Variants in URI1 observed in about 807,000 individuals in gnomAD.
URI1 encodes URI1 prefoldin like chaperone.
URI1 carries 39 observed loss-of-function variants against 60.2 expected under a neutral mutation model. The observed-to-expected ratio is 0.65, with a 90% confidence interval of 0.50 to 0.85. URI1 has a LOEUF of 0.85. Among genes scored for constraint, URI1 ranks in the 40% least tolerant of loss-of-function variants. URI1 has a pLI of 0.00. For synonymous variants in URI1, 251 were observed against 236.8 expected (o/e 1.06, Z -0.55); for missense variants, 691 against 665.9 (o/e 1.04, Z -0.42).
At chr19:29,982,933 A>G (rs892152442) in intron 2 of URI1, among the ~76,000 whole-genome samples, 12 of 152,164 alleles carry the variant, frequency 7.9e-5, no homozygotes, top group Admixed American at 5.9e-4. Context: ...TTGCCATTGA[A>G]GTTACTAAGA....
At chr19:29,929,618 A>T (rs971395040) in intron 1 of URI1, among the ~76,000 whole-genome samples, 6 of 152,030 alleles carry the variant, frequency 3.9e-5, no homozygotes, top group Admixed American at 2.6e-4. Flanking sequence ...GAAATAAAAT[A>T]AAAAAATAAA....
At position 29,942,331 on chromosome 19, in the gene URI1, C is replaced by T. The variant is rs1169398912; in HGVS notation, c.-217C>T. ...GGCAGGCGGCCTGCTACTCGGAGCCCGCTGCGGGGCGGCGGCGGCGGGGAC... is the reference window on the plus strand; with the variant it reads ...GGCAGGCGGCCTGCTACTCGGAGCCTGCTGCGGGGCGGCGGCGGCGGGGAC... On this transcript the variant is annotated 5_prime_UTR_variant, in exon 1 of 11. Coordinates refer to ENST00000392271, the MANE Select transcript of URI1 (RefSeq NM_003796.3). 2 of 984,976 alleles carry T rather than the reference C, an allele frequency of 2.0e-6. No individual in the cohort carries two copies. Among genetic ancestry groups the T allele is most frequent in the African/African-American group, 1.8e-5 (1 of 57,076 alleles). 61.0% of individuals were successfully genotyped at this position (984,976 alleles called of 1,614,324 possible).
intron 1 of URI1, among the ~76,000 whole-genome samples, chr19:29,951,225 T>G (rs1291306813): frequency 6.6e-6 from 1 of 152,194 alleles, no homozygotes. Context: ...AGATGTCAAG[T>G]CTCTCCATCA....
chr19:30,016,454 C>T lies in URI1; in HGVS notation c.*1385C>T, dbSNP rs1367230520. On this transcript the variant is annotated 3_prime_UTR_variant, in exon 11 of 11. Coordinates refer to ENST00000392271, the MANE Select transcript of URI1 (RefSeq NM_003796.3). ...CACCAAAACCAAAGCAGAAATTACA[C>T]ACACAAAGATGCTCCCGTTAGGAAT... 1 of 151,742 alleles carries T rather than the reference C, an allele frequency of 6.6e-6. No individual in the cohort carries two copies. Among genetic ancestry groups the T allele is most frequent in the Non-Finnish European group, 1.5e-5 (1 of 67,732 alleles). 9.4% of individuals were successfully genotyped at this position (151,742 alleles called of 1,614,324 possible).
chr19:29,934,072 A>T (rs1434653957), intron 1 of URI1, among the ~76,000 whole-genome samples: 1 of 150,610 alleles, frequency 6.6e-6, no homozygotes, highest in Non-Finnish European at 1.5e-5. Context: ...AGTAGCTGGG[A>T]TTACAGGTGC....
intron 1 of URI1, among the ~76,000 whole-genome samples, chr19:29,948,790 TCC>T (rs2055133725): frequency 1.3e-5 from 2 of 152,022 alleles, no homozygotes; most frequent in African/African-American, 2.4e-5. Context: ...TCCCCACATT[TCC>T]CCCTTTTCTA....
intron 1 of URI1, among the ~76,000 whole-genome samples, chr19:29,965,510 A>G (rs2055381584): frequency 6.6e-6 from 1 of 152,202 alleles, no homozygotes; most frequent in South Asian, 2.1e-4. Flanking sequence ...ATTGTTGACA[A>G]AACTGGAACT....
upstream of URI1, among the ~76,000 whole-genome samples, chr19:29,938,432 C>T (rs574930518): frequency 1.9e-4 from 29 of 152,216 alleles, no homozygotes; most frequent in East Asian, 7.7e-4. Context: ...ATGAGGGATC[C>T]GCCCCCAAGA....
intron 4 of URI1, among the ~76,000 whole-genome samples, chr19:29,991,107 A>G (rs1403117228): frequency 6.6e-6 from 1 of 152,096 alleles, no homozygotes; most frequent in East Asian, 1.9e-4. Context: ...GCCTTTCCAT[A>G]TACATTTTAG....
intron 1 of URI1, among the ~76,000 whole-genome samples, chr19:29,960,085 A>G (rs1449362765): frequency 6.6e-6 from 1 of 152,182 alleles, no homozygotes; most frequent in Non-Finnish European, 1.5e-5. Flanking sequence ...TGACCCATAA[A>G]TTGGAAATAC....
upstream of URI1, among the ~76,000 whole-genome samples, chr19:29,940,337 A>C (rs889096233): frequency 3.9e-5 from 6 of 152,040 alleles, no homozygotes; most frequent in Non-Finnish European, 7.4e-5. Flanking sequence ...TTATGGGAGC[A>C]CTTTTGAAGA....
chr19:29,986,485 G>A (rs2055672705), intron 4 of URI1, 68 bp downstream of exon 4: 1 of 1,543,368 alleles, frequency 6.5e-7, no homozygotes, highest in Non-Finnish European at 8.7e-7. Flanking sequence ...CCAAGCTGAA[G>A]GGCTGTTTCT....
At chr19:29,951,774 C>T (rs1472669863) in intron 1 of URI1, among the ~76,000 whole-genome samples, 1 of 152,166 alleles carries the variant, frequency 6.6e-6, no homozygotes, top group Non-Finnish European at 1.5e-5. Flanking sequence ...TCTCGATCTC[C>T]TGACCTCAGG....
chr19:29,967,587 A>G (rs1449868084), intron 1 of URI1, among the ~76,000 whole-genome samples: 5 of 152,354 alleles, frequency 3.3e-5, no homozygotes, highest in Non-Finnish European at 5.9e-5. Context: ...ATGATTGGCA[A>G]GGTCTTATTT....
At position 29,986,356 on chromosome 19, in the gene URI1, CA is replaced by C. The variant is rs778948731; in HGVS notation, c.308del (p.Asn103ThrfsTer12). The C allele has an allele frequency of 6.2e-7, 1 of 1,610,174 alleles. No individual in the cohort carries two copies. The highest frequency in any genetic ancestry group is 1.7e-5 in the Admixed American group (1 of 58,418). ...TNEVTVLLGD[N>X]WFAKCSAKQA... ...ATGAAGTCACTGTTTTACTGGGGGA[CA>C]ACTGGTTTGCAAAGTGCTCAGCAAA... On this transcript the variant is annotated frameshift_variant, in exon 4 of 11. Coordinates refer to ENST00000392271, the MANE Select transcript of URI1 (RefSeq NM_003796.3). LOFTEE classifies it high-confidence loss of function.
At chr19:29,960,690 T>A (rs948913131) in intron 1 of URI1, among the ~76,000 whole-genome samples, 3 of 152,214 alleles carry the variant, frequency 2.0e-5, no homozygotes, top group African/African-American at 7.2e-5. Context: ...TTGTTGTGGT[T>A]TTAATATTCA....
At chr19:29,977,852 T>G (rs538799267) in intron 2 of URI1, among the ~76,000 whole-genome samples, 3 of 152,160 alleles carry the variant, frequency 2.0e-5, no homozygotes, top group African/African-American at 7.2e-5. Context: ...GAATTTTTTT[T>G]AAATCTGAGT....
intron 4 of URI1, among the ~76,000 whole-genome samples, chr19:29,989,321 C>A (rs2055713794): frequency 6.6e-6 from 1 of 151,756 alleles, no homozygotes; most frequent in Non-Finnish European, 1.5e-5. Flanking sequence ...CCATGTTGGT[C>A]AGGCTGGTCT....
intron 1 of URI1, among the ~76,000 whole-genome samples, chr19:29,955,139 AT>A (rs78906915): frequency 1.4e-5 from 2 of 139,250 alleles, no homozygotes; most frequent in East Asian, 4.2e-4. Context: ...TTTTTTTTTA[AT>A]TTTTTAGTAG....
Sources: gnomAD v4.1 joint callset for allele counts (sites outside exome capture counted in the v4.1 genomes callset) on GRCh38, gnomAD v4.1.1 for gene constraint, MANE v1.5 for transcripts, NCBI Gene and HGNC (gene_info 2026-07-23, HGNC 2026-07-21) for gene names.